C10orf90: variants seen among roughly 807,000 people sequenced by gnomAD.
The protein encoded by C10orf90 is chromosome 10 open reading frame 90, also known as (E2-independent) E3 ubiquitin-conjugating enzyme FATS.
Under a neutral mutation model 62.5 loss-of-function variants are expected in C10orf90, and 56 were observed. The observed-to-expected ratio is 0.90, with a 90% CI of 0.72 to 1.12. The LOEUF is 1.12. C10orf90 is among the 50% of genes most tolerant of loss of function. The probability of loss-of-function intolerance (pLI) is 0.00; values close to 1 mark genes in which losing one functional copy is unlikely to be tolerated. For synonymous variants in C10orf90, 386 were observed against 340.4 expected, an observed-to-expected ratio of 1.13 and a Z score of -1.47; for missense variants, 970 against 880.4, an observed-to-expected ratio of 1.10 and a Z score of -1.29.
chr10:126,613,357 C>T (rs1224444828), intron 2 of C10orf90, among the ~76,000 whole-genome samples: 1 of 152,186 alleles, frequency 6.6e-6, no homozygotes, highest in Admixed American at 6.5e-5. Context: ...CCACCTCAGT[C>T]TCCTGAGCAG....
At chr10:126,524,814 T>C (rs2133947099) in intron 2 of C10orf90, 19 of 985,528 alleles carry the variant, frequency 1.9e-5, no homozygotes, top group Non-Finnish European at 2.3e-5. Context: ...AGGGAGGGCA[T>C]GTGTGAGAGG....
intron 2 of C10orf90, among the ~76,000 whole-genome samples, chr10:126,554,854 A>G (rs1469881): frequency 0.76 from 115,426 of 152,196 alleles, 43,897 homozygotes; most frequent in Middle Eastern, 0.81. Context: ...AATCAAGCCA[A>G]CATCAAAACA....
intron 4 of C10orf90, among the ~76,000 whole-genome samples, chr10:126,471,877 T>C (rs1168180195): frequency 6.6e-6 from 1 of 152,114 alleles, no homozygotes; most frequent in Non-Finnish European, 1.5e-5. Flanking sequence ...TTCAGGTTGA[T>C]GAACAGAAGT....
intron 7 of C10orf90, among the ~76,000 whole-genome samples, chr10:126,454,360 G>A (rs1230064871): frequency 6.6e-6 from 1 of 151,832 alleles, no homozygotes; most frequent in Non-Finnish European, 1.5e-5. Flanking sequence ...TACAAATGCT[G>A]AACCCCCTAT....
chr10:126,631,593 A>C (rs1416464488), intron 2 of C10orf90, among the ~76,000 whole-genome samples: 1 of 151,982 alleles, frequency 6.6e-6, no homozygotes, highest in Non-Finnish European at 1.5e-5. Flanking sequence ...CTTGCTCAGC[A>C]TTGCATGCTC....
chr10:126,518,281 C>A (rs1863552089), intron 2 of C10orf90, among the ~76,000 whole-genome samples: 1 of 152,176 alleles, frequency 6.6e-6, no homozygotes, highest in African/African-American at 2.4e-5. Flanking sequence ...GCAGACCTAG[C>A]AAATGAGGAG....
intron 2 of C10orf90, among the ~76,000 whole-genome samples, chr10:126,593,977 A>C: frequency 6.6e-6 from 1 of 152,074 alleles, no homozygotes; most frequent in East Asian, 1.9e-4. Flanking sequence ...GGGAAAGAAA[A>C]AATGAACACC....
At chr10:126,552,960 G>T (rs898348380) in intron 2 of C10orf90, among the ~76,000 whole-genome samples, 2 of 152,094 alleles carry the variant, frequency 1.3e-5, no homozygotes, top group Non-Finnish European at 2.9e-5. Context: ...ATTAGACATC[G>T]GTTGGGGGAA....
chr10:126,604,429 C>T (rs1283475572), intron 2 of C10orf90, among the ~76,000 whole-genome samples: 1 of 152,184 alleles, frequency 6.6e-6, no homozygotes. Flanking sequence ...AAAAAAAATA[C>T]ACCATATATA....
intron 4 of C10orf90, among the ~76,000 whole-genome samples, chr10:126,467,153 C>G (rs1860334277): frequency 6.6e-6 from 1 of 152,168 alleles, no homozygotes; most frequent in Non-Finnish European, 1.5e-5. Context: ...CTATCTATCT[C>G]TGGTTTATTG....
At chr10:126,433,690 C>A (rs921879490) in intron 7 of C10orf90, among the ~76,000 whole-genome samples, 1 of 152,184 alleles carries the variant, frequency 6.6e-6, no homozygotes, top group African/African-American at 2.4e-5. Flanking sequence ...AATGCAAAAC[C>A]AACCTGCATG....
intron 2 of C10orf90, among the ~76,000 whole-genome samples, chr10:126,633,273 G>A (rs765194961): frequency 6.6e-6 from 1 of 152,224 alleles, no homozygotes; most frequent in African/African-American, 2.4e-5. Context: ...GGAGGCCTAG[G>A]ACATCCCAGG....
intron 2 of C10orf90, among the ~76,000 whole-genome samples, chr10:126,565,998 T>C (rs1305178324): frequency 6.6e-6 from 1 of 152,250 alleles, no homozygotes; most frequent in East Asian, 1.9e-4. Flanking sequence ...TGTGCAGCTC[T>C]GGCTATTTTC....
intron 7 of C10orf90, among the ~76,000 whole-genome samples, chr10:126,431,372 A>T (rs1365259814): frequency 6.6e-6 from 1 of 152,192 alleles, no homozygotes; most frequent in Non-Finnish European, 1.5e-5. Flanking sequence ...AGCAATTTGT[A>T]AGAAGGAGCA....
rs567437720 is a variant in C10orf90, at chr10:126,571,800, G to A, written c.314-57861C>T. On this transcript the variant is annotated intron_variant, in intron 2 of 9. Transcript: ENST00000488181. ...GAGAACAGAACCTGGGACTCCAGGC[G>A]TAAATAAACCCAAGACCTCAGGCCA... Among the ~76,000 whole-genome samples the A allele has an allele frequency of 5.9e-5, 9 of 152,202 alleles. No homozygotes were observed. The South Asian group carries it at 1.0e-3, about 18-fold the overall frequency.
At chr10:126,565,044 A>T (rs374528491) in intron 2 of C10orf90, among the ~76,000 whole-genome samples, 24 of 7,850 alleles carry the variant, frequency 3.1e-3, no homozygotes, top group African/African-American at 3.4e-3. Context: ...AAAATATATA[A>T]TATATAATAT....
At chr10:126,640,076 T>C (rs1325005513) in intron 2 of C10orf90, among the ~76,000 whole-genome samples, 2 of 152,218 alleles carry the variant, frequency 1.3e-5, no homozygotes, top group Non-Finnish European at 2.9e-5. Flanking sequence ...CTCAAATGCA[T>C]CCTCTTATGG....
At chr10:126,654,826 C>T (rs907352682) in intron 1 of C10orf90, among the ~76,000 whole-genome samples, 1 of 152,164 alleles carries the variant, frequency 6.6e-6, no homozygotes, top group Non-Finnish European at 1.5e-5. Context: ...TTCACTTGAA[C>T]ACTCAGAGGC....
intron 4 of C10orf90, among the ~76,000 whole-genome samples, chr10:126,489,720 G>A (rs1048217959): frequency 1.3e-5 from 2 of 151,380 alleles, no homozygotes; most frequent in Non-Finnish European, 2.9e-5. Context: ...ATTCCACATT[G>A]GGGCATATAC....
Sources: gnomAD v4.1 joint callset for allele counts (sites outside exome capture counted in the v4.1 genomes callset) on GRCh38, gnomAD v4.1.1 for gene constraint, MANE v1.5 for transcripts, NCBI Gene and HGNC (gene_info 2026-07-23, HGNC 2026-07-21) for gene names.